SOX5: variants seen among roughly 807,000 people sequenced by gnomAD.
The protein encoded by SOX5 is SRY-box transcription factor 5.
Under a neutral mutation model 92.0 loss-of-function variants are expected in SOX5, and 9 were observed. The observed-to-expected ratio is 0.10, with a 90% CI of 0.06 to 0.17. The LOEUF is 0.17. Among genes scored for constraint, SOX5 ranks in the 10% least tolerant of loss-of-function variants. The probability of loss-of-function intolerance (pLI) is 1.00; values close to 1 mark genes in which losing one functional copy is unlikely to be tolerated. For missense variants in SOX5, 642 were observed against 944.5 expected, an observed-to-expected ratio of 0.68 and a Z score of 4.20; for synonymous variants, 344 against 336.3, an observed-to-expected ratio of 1.02 and a Z score of -0.25.
rs192411411 is a variant in SOX5 at position 24,178,462 on chromosome 12, T to C, written c.-2+34881A>G. On this transcript the variant is annotated intron_variant, in intron 4 of 4. Transcript: ENST00000446891. ...TCCAAAGCAGCAGCCAATACTCAGCTTCTGCCTGGAGTTCCAAGCAGAACT... is the reference window on the plus strand; with the variant it reads ...TCCAAAGCAGCAGCCAATACTCAGCCTCTGCCTGGAGTTCCAAGCAGAACT... Among the ~76,000 whole-genome samples the C allele has an allele frequency of 3.5e-4, 54 of 152,306 alleles. No homozygotes were observed. The East Asian group carries it at 9.8e-3, about 28-fold the overall frequency.
intron 4 of SOX5, among the ~76,000 whole-genome samples, chr12:24,159,868 C>T (rs1365552725): frequency 4.0e-5 from 6 of 151,842 alleles, no homozygotes; most frequent in Non-Finnish European, 5.9e-5. Context: ...AGTACTTGGA[C>T]GAAAAGTATA....
chr12:24,041,918 A>G (rs1956565807), intron 4 of SOX5, among the ~76,000 whole-genome samples: 2 of 152,124 alleles, frequency 1.3e-5, no homozygotes, highest in Non-Finnish European at 2.9e-5. Flanking sequence ...CTTATTTTAA[A>G]CTGAACTTTA....
At chr12:24,449,329 C>CT (rs1458928608) in intron 1 of SOX5, among the ~76,000 whole-genome samples, 1 of 152,200 alleles carries the variant, frequency 6.6e-6, no homozygotes, top group Non-Finnish European at 1.5e-5. Context: ...CCACATTAGT[C>CT]TTCTCTCTGT....
At chr12:23,549,671 G>T (rs1045125253) in intron 11 of SOX5, among the ~76,000 whole-genome samples, 1 of 151,822 alleles carries the variant, frequency 6.6e-6, no homozygotes, top group African/African-American at 2.4e-5. Flanking sequence ...AAAGTCCTGG[G>T]GTATGGGCCA....
intron 6 of SOX5, among the ~76,000 whole-genome samples, chr12:23,678,589 G>A (rs2086079908): frequency 6.6e-6 from 1 of 152,258 alleles, no homozygotes; most frequent in East Asian, 1.9e-4. Context: ...TTGATGGGCA[G>A]TTGTTAATGT....
At chr12:24,319,684 T>G (rs1950030136) in intron 2 of SOX5, among the ~76,000 whole-genome samples, 1 of 152,208 alleles carries the variant, frequency 6.6e-6, no homozygotes, top group Admixed American at 6.5e-5. Context: ...ATAACTTGAA[T>G]TCTGTTACTA....
intron 1 of SOX5, among the ~76,000 whole-genome samples, chr12:24,498,365 T>A (rs899483636): frequency 3.3e-5 from 5 of 152,086 alleles, no homozygotes; most frequent in African/African-American, 1.2e-4. Context: ...ATCCAGATAA[T>A]CTAGGTCCCA....
intron 7 of SOX5, among the ~76,000 whole-genome samples, chr12:23,641,442 T>G (rs1204159685): frequency 6.6e-6 from 1 of 152,180 alleles, no homozygotes; most frequent in Non-Finnish European, 1.5e-5. Context: ...TTATATGAAA[T>G]ATTGACATCT....
chr12:24,388,085 A>G (rs1217959644), intron 1 of SOX5, among the ~76,000 whole-genome samples: 1 of 152,222 alleles, frequency 6.6e-6, no homozygotes, highest in Non-Finnish European at 1.5e-5. Flanking sequence ...AAGTAATTCA[A>G]TCCTTCACTT....
At chr12:23,851,084 GA>G (rs532539166) in intron 2 of SOX5, among the ~76,000 whole-genome samples, 58 of 140,760 alleles carry the variant, frequency 4.1e-4, no homozygotes, top group African/African-American at 1.3e-3. Flanking sequence ...GCTTGCAAAA[GA>G]AAAAAAAAAC....
At chr12:23,868,880 T>A (rs768345968) in intron 2 of SOX5, among the ~76,000 whole-genome samples, 3 of 152,256 alleles carry the variant, frequency 2.0e-5, no homozygotes, top group Non-Finnish European at 4.4e-5. Flanking sequence ...ATTCGCATAC[T>A]CCAAACCTCT....
chr12:24,246,373 C>T (rs949109098), intron 3 of SOX5, among the ~76,000 whole-genome samples: 2 of 150,566 alleles, frequency 1.3e-5, no homozygotes, highest in Non-Finnish European at 3.0e-5. Context: ...ATGTTTCAAA[C>T]TTAAAAAAAA....
intron 6 of SOX5, among the ~76,000 whole-genome samples, chr12:23,719,788 CAAA>C (rs33914230): frequency 1.6e-5 from 1 of 64,174 alleles, no homozygotes; most frequent in Non-Finnish European, 2.8e-5. Context: ...AGCTATTTAC[CAAA>C]AAAAAAAAAA....
chr12:24,008,905 C>G (rs1952612657), intron 4 of SOX5, among the ~76,000 whole-genome samples: 1 of 152,158 alleles, frequency 6.6e-6, no homozygotes, highest in South Asian at 2.1e-4. Context: ...AGAAATGATG[C>G]TGCATGACTT....
chr12:24,425,615 T>TTTAG (rs1456648104), intron 1 of SOX5, among the ~76,000 whole-genome samples: 1 of 152,208 alleles, frequency 6.6e-6, no homozygotes, highest in African/African-American at 2.4e-5. Context: ...TTAAAATGAG[T>TTTAG]TTAGTTGCTG....
intron 4 of SOX5, among the ~76,000 whole-genome samples, chr12:23,963,481 G>C (rs780271697): frequency 1.4e-4 from 22 of 152,104 alleles, no homozygotes; most frequent in Non-Finnish European, 2.8e-4. Flanking sequence ...GGATTCAGGG[G>C]AATGTCCTTG....
intron 4 of SOX5, among the ~76,000 whole-genome samples, chr12:23,984,084 T>C (rs889332006): frequency 2.6e-5 from 4 of 152,146 alleles, no homozygotes; most frequent in Non-Finnish European, 4.4e-5. Context: ...CAATACTTCA[T>C]TCCTCTGTAT....
At position 23,979,712 on chromosome 12, in the gene SOX5, T is replaced by G. The variant is rs1351475190; in HGVS notation, c.-1-83688A>C. On this transcript the variant is annotated intron_variant, in intron 4 of 4. Transcript: ENST00000446891. ...TATATATATATGTTTTTTTTGTTTT[T>G]TTTTTTTTTTTTTTTTTTTTTTGGA... is the stretch of plus-strand genomic sequence containing the variant. Among the ~76,000 whole-genome samples, 67 of 106,594 alleles carry G rather than the reference T, an allele frequency of 6.3e-4. 2 individuals are homozygous for G. Among genetic ancestry groups the G allele is most frequent in the African/African-American group, 1.7e-3 (46 of 27,218 alleles). The allele number at this position is 106,594 out of a possible 152,430, so 69.9% of individuals were successfully genotyped here.
intron 1 of SOX5, among the ~76,000 whole-genome samples, chr12:23,925,347 T>A (rs1203920861): frequency 6.6e-6 from 1 of 152,126 alleles, no homozygotes; most frequent in Non-Finnish European, 1.5e-5. Flanking sequence ...TGTGATTTTT[T>A]AATATGTCAC....
Sources: gnomAD v4.1 joint callset for allele counts (sites outside exome capture counted in the v4.1 genomes callset) on GRCh38, gnomAD v4.1.1 for gene constraint, MANE v1.5 for transcripts, NCBI Gene and HGNC (gene_info 2026-07-23, HGNC 2026-07-21) for gene names.